NXPH2: variants seen among roughly 807,000 people sequenced by gnomAD.
The protein encoded by NXPH2 is neurexophilin 2, also known as neurexophilin-2.
Under a neutral mutation model 19.8 loss-of-function variants are expected in NXPH2, and 5 were observed. That is an observed-to-expected ratio of 0.25 (90% CI 0.13 to 0.53). The LOEUF (loss-of-function observed/expected upper bound fraction) is 0.53. NXPH2 is among the 20% of genes least tolerant of loss of function. NXPH2 has a pLI of 0.96. For missense variants in NXPH2, 289 were observed against 322.8 expected (o/e 0.90, Z 0.80); for synonymous variants, 154 against 127.4 (o/e 1.21, Z -1.41).
intron 1 of NXPH2, among the ~76,000 whole-genome samples, chr2:138,735,945 A>T (rs1188029919): frequency 6.6e-6 from 1 of 152,178 alleles, no homozygotes; most frequent in African/African-American, 2.4e-5. Context: ...CTCCAAAATG[A>T]TCTCCTTTGA....
chr2:138,726,558 A>C (rs866484203), intron 1 of NXPH2, among the ~76,000 whole-genome samples: 12 of 136,094 alleles, frequency 8.8e-5, no homozygotes, highest in African/African-American at 2.9e-4. Context: ...ACACACACAC[A>C]CCCTCCAACA....
chr2:138,726,549 CA>C (rs1681362717), intron 1 of NXPH2, among the ~76,000 whole-genome samples: 2 of 151,810 alleles, frequency 1.3e-5, no homozygotes, highest in Middle Eastern at 3.4e-3. Flanking sequence ...CACACACACA[CA>C]CACACACACC....
chr2:138,694,739 G>C (rs1680804194), intron 1 of NXPH2, among the ~76,000 whole-genome samples: 1 of 152,078 alleles, frequency 6.6e-6, no homozygotes, highest in South Asian at 2.1e-4. Context: ...ACTTTATGAT[G>C]GTGTGAAAGT....
intron 1 of NXPH2, among the ~76,000 whole-genome samples, chr2:138,775,563 T>C (rs138085361): frequency 1.8e-4 from 27 of 152,228 alleles, no homozygotes; most frequent in African/African-American, 6.3e-4. Flanking sequence ...GACGAAATAG[T>C]GTTAGAAAAT....
chr2:138,754,283 A>G (rs1681867720), intron 1 of NXPH2, among the ~76,000 whole-genome samples: 1 of 152,132 alleles, frequency 6.6e-6, no homozygotes, highest in African/African-American at 2.4e-5. Context: ...CCACCATTAG[A>G]GTATCATATA....
At chr2:138,678,405 A>C (rs1293743785) in intron 1 of NXPH2, among the ~76,000 whole-genome samples, 3 of 152,174 alleles carry the variant, frequency 2.0e-5, no homozygotes, top group Non-Finnish European at 4.4e-5. Context: ...TTTTGCTTTC[A>C]GAATTCTCAT....
chr2:138,755,818 C>A (rs1681897809), intron 1 of NXPH2, among the ~76,000 whole-genome samples: 1 of 151,934 alleles, frequency 6.6e-6, no homozygotes, highest in Non-Finnish European at 1.5e-5. Flanking sequence ...ACTGGCTCTC[C>A]ATTTATTTAG....
chr2:138,695,109 G>T (rs1680810180), intron 1 of NXPH2, among the ~76,000 whole-genome samples: 1 of 152,144 alleles, frequency 6.6e-6, no homozygotes, highest in Non-Finnish European at 1.5e-5. Flanking sequence ...GCAGTTCGCT[G>T]TTGACTAAAA....
At chr2:138,765,534 C>T (rs1210035999) in intron 1 of NXPH2, among the ~76,000 whole-genome samples, 3 of 152,108 alleles carry the variant, frequency 2.0e-5, no homozygotes, top group Admixed American at 6.5e-5. Context: ...ACTAAAAATG[C>T]ATTCCAATAT....
chr2:138,774,605 A>G (rs1682231160), intron 1 of NXPH2, among the ~76,000 whole-genome samples: 1 of 152,236 alleles, frequency 6.6e-6, no homozygotes, highest in Non-Finnish European at 1.5e-5. Context: ...ACTTCATTTT[A>G]TAGATGAAAG....
rs111726381 is a variant in NXPH2, at chr2:138,702,770, G to GAACAAC, written c.52-31111_52-31106dup. On this transcript the variant is annotated intron_variant, in intron 1 of 1. Coordinates refer to ENST00000272641, the MANE Select transcript of NXPH2 (RefSeq NM_007226.3). The stretch of plus-strand genomic sequence containing the variant: ...TGAGAACTAAATTGCCAGGTGCTAA[G>GAACAAC]AACAACAACAACAACAACAAAAAGT... 3.5e-3 allele frequency among the ~76,000 whole-genome samples: 535 copies of GAACAAC among 152,074 alleles called. 3 individuals are homozygous for GAACAAC. The highest frequency in any genetic ancestry group is 8.7e-3 in the African/African-American group (360 of 41,504).
At chr2:138,740,281 A>T (rs1321563091) in intron 1 of NXPH2, among the ~76,000 whole-genome samples, 1 of 152,210 alleles carries the variant, frequency 6.6e-6, no homozygotes, top group Non-Finnish European at 1.5e-5. Context: ...CCTTTGAAAA[A>T]AAGAGTTAAC....
intron 1 of NXPH2, among the ~76,000 whole-genome samples, chr2:138,687,073 T>A (rs1680670441): frequency 6.6e-6 from 1 of 152,202 alleles, no homozygotes; most frequent in Non-Finnish European, 1.5e-5. Flanking sequence ...TACCCAGTAA[T>A]GGGATGGCTG....
chr2:138,674,923 G>T (rs925320041), intron 1 of NXPH2, among the ~76,000 whole-genome samples: 1 of 152,150 alleles, frequency 6.6e-6, no homozygotes. Context: ...GGAACATCTG[G>T]TTTACAAGAA....
At chr2:138,752,717 A>G (rs546458437) in intron 1 of NXPH2, among the ~76,000 whole-genome samples, 38 of 152,016 alleles carry the variant, frequency 2.5e-4, no homozygotes, top group Non-Finnish European at 4.1e-4. Context: ...CCATTTAGCT[A>G]TCGTGTCTCC....
At chr2:138,770,086 C>T (rs1379860363) in intron 1 of NXPH2, among the ~76,000 whole-genome samples, 2 of 151,976 alleles carry the variant, frequency 1.3e-5, no homozygotes, top group Admixed American at 1.3e-4. Flanking sequence ...GGTAAGTAGT[C>T]ATAAAGGAAA....
intron 1 of NXPH2, among the ~76,000 whole-genome samples, chr2:138,722,755 C>A (rs1046798031): frequency 1.3e-5 from 2 of 152,152 alleles, no homozygotes; most frequent in African/African-American, 4.8e-5. Context: ...CGATGGATTG[C>A]CAAGGTGTGA....
intron 1 of NXPH2, among the ~76,000 whole-genome samples, chr2:138,775,316 A>G (rs1332811994): frequency 6.6e-6 from 1 of 152,166 alleles, no homozygotes; most frequent in Non-Finnish European, 1.5e-5. Context: ...TTAAAAAATA[A>G]CATAAAATAG....
chr2:138,721,947 C>A (rs992220034), intron 1 of NXPH2, among the ~76,000 whole-genome samples: 38 of 152,300 alleles, frequency 2.5e-4, no homozygotes, highest in African/African-American at 8.4e-4. Flanking sequence ...GGGAGCATGG[C>A]TATTTTTGCT....
Sources: allele counts gnomAD v4.1 joint callset (sites outside exome capture counted in the v4.1 genomes callset), GRCh38; gene constraint gnomAD v4.1.1; transcripts MANE v1.5; gene names NCBI Gene and HGNC (gene_info 2026-07-23, HGNC 2026-07-21).